CHN1: variants seen among roughly 807,000 people sequenced by gnomAD.
CHN1 encodes chimerin 1.
In CHN1, 37 loss-of-function variants were observed where a neutral mutation model predicts 59.5. That is an observed-to-expected ratio of 0.62 (90% CI 0.48 to 0.82). The LOEUF (loss-of-function observed/expected upper bound fraction) is 0.82, where lower values mean the gene tolerates loss of function less well. Ranked by LOEUF, CHN1 falls within the 40% of genes least tolerant of loss-of-function variation. The pLI, the probability that CHN1 is intolerant of heterozygous loss-of-function variation, is 0.00. For missense variants in CHN1, 469 were observed against 571.0 expected (o/e 0.82, Z 1.82); for synonymous variants, 206 against 200.4 (o/e 1.03, Z -0.24).
At chr2:174,873,874 C>T (rs1687481907) in intron 6 of CHN1, among the ~76,000 whole-genome samples, 1 of 152,124 alleles carries the variant, frequency 6.6e-6, no homozygotes, top group South Asian at 2.1e-4. Context: ...CACACAGACA[C>T]ACATAGGTTA....
chr2:174,828,432 G>A (rs962850953), intron 7 of CHN1, among the ~76,000 whole-genome samples: 2 of 152,148 alleles, frequency 1.3e-5, no homozygotes, highest in African/African-American at 4.8e-5. Flanking sequence ...TATCGGTGAT[G>A]TTTACGTCAC....
chr2:174,832,980 A>G (rs761557357), intron 7 of CHN1, among the ~76,000 whole-genome samples: 2 of 152,170 alleles, frequency 1.3e-5, no homozygotes, highest in Admixed American at 6.5e-5. Context: ...GACCACTGTC[A>G]TAACTGTGGT....
intron 3 of CHN1, among the ~76,000 whole-genome samples, chr2:174,942,823 G>A (rs1301081895): frequency 6.6e-6 from 1 of 152,148 alleles, no homozygotes; most frequent in Non-Finnish European, 1.5e-5. Flanking sequence ...GCCACGGTGG[G>A]TGGATCCCTT....
At chr2:174,945,067 T>C in intron 2 of CHN1, 124 bp from the exon 3 acceptor site, 1 of 675,990 alleles carries the variant, frequency 1.5e-6, no homozygotes, top group South Asian at 2.1e-5. Flanking sequence ...ATTTACTAAA[T>C]TGTGTTATGA....
chr2:174,895,213 T>TAC (rs374437666), intron 5 of CHN1, among the ~76,000 whole-genome samples: 6,064 of 142,342 alleles, frequency 0.043, 188 homozygotes, highest in Admixed American at 0.063. Context: ...TATATATATA[T>TAC]ACACACACAC....
rs1689782470 is a variant in CHN1 at position 174,944,960 on chromosome 2, A to G, written c.59-17T>C. The G allele has an allele frequency of 1.3e-6, 2 of 1,554,564 alleles. No individual in the cohort carries two copies. The highest frequency in any genetic ancestry group is 1.4e-5 in the African/African-American group (1 of 73,736). On this transcript the variant is annotated splice_polypyrimidine_tract_variant and intron_variant, in intron 2 of 12. Coordinates refer to ENST00000409900, the MANE Select transcript of CHN1 (RefSeq NM_001822.7). Reference sequence around the variant, plus strand: ...GCTGATATACTGTGAGAAGGTAGAAACAAAAAGTGTCAATGTCCCTTACAT... The same window carrying G: ...GCTGATATACTGTGAGAAGGTAGAAGCAAAAAGTGTCAATGTCCCTTACAT...
At chr2:174,996,711 G>C (rs773268901) in intron 1 of CHN1, among the ~76,000 whole-genome samples, 7 of 152,012 alleles carry the variant, frequency 4.6e-5, no homozygotes, top group Non-Finnish European at 8.8e-5. Flanking sequence ...CAGGCCATGG[G>C]AGATACACCC....
intron 6 of CHN1, among the ~76,000 whole-genome samples, chr2:174,860,177 C>T (rs1267138209): frequency 6.6e-6 from 1 of 152,058 alleles, no homozygotes; most frequent in East Asian, 1.9e-4. Flanking sequence ...GAAATGAGAG[C>T]GTAGTCTCTT....
At chr2:174,837,686 G>T (rs1686135802) in intron 7 of CHN1, among the ~76,000 whole-genome samples, 1 of 151,986 alleles carries the variant, frequency 6.6e-6, no homozygotes, top group Non-Finnish European at 1.5e-5. Context: ...TAAGAAGAGG[G>T]ATTAGAAAAC....
intron 3 of CHN1, among the ~76,000 whole-genome samples, chr2:174,940,327 G>A (rs968323343): frequency 2.6e-5 from 4 of 152,134 alleles, no homozygotes; most frequent in South Asian, 2.1e-4. Flanking sequence ...ACGCCCAGCC[G>A]AGAGTAATTA....
At chr2:174,907,177 T>C (rs1194835942) in intron 5 of CHN1, among the ~76,000 whole-genome samples, 1 of 152,144 alleles carries the variant, frequency 6.6e-6, no homozygotes, top group East Asian at 1.9e-4. Context: ...GAGGGATCAA[T>C]TGTTGAATGG....
At chr2:174,816,883 A>C (rs1302072690) in intron 8 of CHN1, among the ~76,000 whole-genome samples, 1 of 152,146 alleles carries the variant, frequency 6.6e-6, no homozygotes, top group Non-Finnish European at 1.5e-5. Context: ...CTTTAAGTGT[A>C]ATACACACAG....
At chr2:174,964,569 G>C (rs1690535853) in intron 1 of CHN1, among the ~76,000 whole-genome samples, 1 of 152,130 alleles carries the variant, frequency 6.6e-6, no homozygotes, top group Admixed American at 6.5e-5. Context: ...CCCAGTCCAA[G>C]AGGCTTAAAA....
intron 5 of CHN1, among the ~76,000 whole-genome samples, chr2:174,888,670 AT>A (rs779683549): frequency 6.9e-4 from 105 of 152,360 alleles, no homozygotes; most frequent in African/African-American, 2.0e-3. Context: ...ATTTCACTTT[AT>A]CCACAATAAC....
intron 1 of CHN1, among the ~76,000 whole-genome samples, chr2:174,981,703 T>C (rs1691153373): frequency 6.6e-6 from 1 of 152,214 alleles, no homozygotes; most frequent in South Asian, 2.1e-4. Context: ...CCCATTAACT[T>C]AGGAAGCAAT....
chr2:175,005,006 A>T lies in CHN1; in HGVS notation c.-94T>A, dbSNP rs1157886102. 1.3e-6 allele frequency: 2 copies of T among 1,483,654 alleles called. No individual in the cohort carries two copies. The highest frequency in any genetic ancestry group is 1.8e-6 in the Non-Finnish European group (2 of 1,117,178). 91.9% of individuals were successfully genotyped at this position (1,483,654 alleles called of 1,614,324 possible). On this transcript the variant is annotated 5_prime_UTR_variant, in exon 1 of 13. Transcript: ENST00000409900. ...AGCCCGCCGCACCCACACCTCGGAG[A>T]GAGTGGGGTGCCCGATGGGGCGTGC... is the stretch of plus-strand genomic sequence containing the variant.
At chr2:174,839,788 G>GAAAC (rs1438234666) in intron 7 of CHN1, among the ~76,000 whole-genome samples, 1 of 152,030 alleles carries the variant, frequency 6.6e-6, no homozygotes, top group Non-Finnish European at 1.5e-5. Flanking sequence ...ATTTTTGATA[G>GAAAC]AAACAGAGTT....
rs1379842544 is a variant in CHN1, at chr2:175,005,118, C to T, written c.-206G>A. The T allele has an allele frequency of 2.8e-5, 37 of 1,318,800 alleles. No individual in the cohort carries two copies. In the East Asian group the frequency reaches 5.9e-4, roughly 21 times the overall value. The allele number at this position is 1,318,800 out of a possible 1,614,324, so 81.7% of individuals were successfully genotyped here. A position where few individuals can be genotyped will look rare whatever the true frequency, so the allele number is the denominator to read the frequency against. ...GTTATTCACGCGTTATTGTCGGGCG[C>T]ACCGGGCCCAGGGAGCCCCGCTAGC... On this transcript the variant is annotated 5_prime_UTR_variant, in exon 1 of 13. Transcript: ENST00000409900.
chr2:174,813,373 C>A (rs1281046929), intron 8 of CHN1, among the ~76,000 whole-genome samples: 2 of 152,152 alleles, frequency 1.3e-5, no homozygotes, highest in Non-Finnish European at 2.9e-5. Flanking sequence ...GGTGTATCAC[C>A]CTCTAGGAAC....
Sources: gnomAD v4.1 joint callset for allele counts (sites outside exome capture counted in the v4.1 genomes callset) on GRCh38, gnomAD v4.1.1 for gene constraint, MANE v1.5 for transcripts, NCBI Gene and HGNC (gene_info 2026-07-23, HGNC 2026-07-21) for gene names.